The following LNPEP variants were observed in gnomAD, a reference collection of about 807,000 sequenced individuals.
LNPEP encodes the protein leucyl-cystinyl aminopeptidase.
Under a neutral mutation model 120.6 loss-of-function variants are expected in LNPEP, and 64 were observed. That is an observed-to-expected ratio of 0.53 (90% CI 0.43 to 0.65). LNPEP has a LOEUF of 0.65. LNPEP is among the 30% of genes least tolerant of loss of function. The probability of loss-of-function intolerance (pLI) is 0.00; values close to 1 mark genes in which losing one functional copy is unlikely to be tolerated. For synonymous variants in LNPEP, 435 were observed against 425.4 expected, an observed-to-expected ratio of 1.02 and a Z score of -0.28; for missense variants, 1,057 against 1,200.0, an observed-to-expected ratio of 0.88 and a Z score of 1.76.
intron 1 of LNPEP, 85 bp downstream of exon 1, chr5:96,936,259 C>T (rs1324572761): frequency 1.3e-5 from 15 of 1,161,284 alleles, no homozygotes; most frequent in Non-Finnish European, 1.6e-5. Context: ...GGTCGGGCTG[C>T]AGCCGTCTCC....
intron 13 of LNPEP, among the ~76,000 whole-genome samples, chr5:97,019,108 A>T (rs1306291286): frequency 6.6e-6 from 1 of 152,224 alleles, no homozygotes; most frequent in African/African-American, 2.4e-5. Flanking sequence ...GTAATATACA[A>T]CATAAGTGCT....
At position 97,006,097 on chromosome 5, in the gene LNPEP, A is replaced by G; in HGVS notation, c.1810A>G (p.Lys604Glu). ...NEVTNQTLDV[K>E]RMMKTWTLQK... ...GGTCACAAACCAAACACTAGATGTA[A>G]AGAGAATGATGAAAACCTGGACCCT... Residue 604 changes from lysine to glutamate, a missense_variant, in exon 10 of 18, where the codon AAG becomes GAG. Coordinates refer to ENST00000231368, the MANE Select transcript of LNPEP (RefSeq NM_005575.3). The G allele has an allele frequency of 1.3e-6, 2 of 1,540,442 alleles. No homozygotes were observed. Among genetic ancestry groups the G allele is most frequent in the Non-Finnish European group, 1.8e-6 (2 of 1,140,248 alleles).
intron 4 of LNPEP, among the ~76,000 whole-genome samples, chr5:96,989,328 AAT>A (rs1790324246): frequency 4.8e-5 from 1 of 21,018 alleles, no homozygotes; most frequent in Admixed American, 8.2e-4. Context: ...TATAATATAT[AAT>A]TATATATAAT....
Position 97,032,876 on chromosome 5 carries a change from G to T in LNPEP, c.*4343G>T, listed in dbSNP as rs1021532765. 1.3e-5 allele frequency: 2 copies of T among 152,056 alleles called. No homozygotes were observed. The highest frequency in any genetic ancestry group is 2.9e-5 in the Non-Finnish European group (2 of 68,012). 9.4% of individuals were successfully genotyped at this position (152,056 alleles called of 1,614,324 possible). On this transcript the variant is annotated 3_prime_UTR_variant, in exon 18 of 18. Transcript: ENST00000231368. ...TTGCTGTTGTTTTGATCTAGTCTTG[G>T]GGCTGGGGTTGTATATTATTCTTTC... is the stretch of plus-strand genomic sequence containing the variant.
At chr5:97,028,055 G>T (rs576135612) in intron 17 of LNPEP, among the ~76,000 whole-genome samples, 7 of 152,220 alleles carry the variant, frequency 4.6e-5, no homozygotes, top group Non-Finnish European at 4.4e-5. Context: ...AATTTAAGTG[G>T]TCATAAAATT....
In LNPEP at chr5:97,015,017, C is replaced by T. The variant is rs761457107; in HGVS notation, c.2298C>T (p.Thr766=). 30 of 1,604,284 alleles carry T rather than the reference C, an allele frequency of 1.9e-5. No homozygotes were observed. The highest frequency in any genetic ancestry group is 5.6e-5 in the South Asian group (5 of 88,706). ...ATGAGAACCATACTGCACCCATCAC[C>T]GAAGCCCTGTTTCAGACAGACCTCA... ...LGNENHTAPI[T]EALFQTDLIY... Residue 766 remains threonine (T), a synonymous_variant, in exon 13 of 18, where the codon ACC becomes ACT. Coordinates refer to ENST00000231368, the MANE Select transcript of LNPEP (RefSeq NM_005575.3).
chr5:96,996,343 C>T (rs544281767), intron 6 of LNPEP, 47 bp from the exon 7 acceptor site: 2 of 1,055,866 alleles, frequency 1.9e-6, no homozygotes, highest in South Asian at 2.6e-5. Flanking sequence ...TAAAAAATTC[C>T]TGAGGCTGTA....
In LNPEP at chr5:96,996,419, G is replaced by C; in HGVS notation, c.1437G>C (p.Trp479Cys). ...QWFGNLVTMKWWNDLWLNEGF... is the reference protein window; with the variant it reads ...QWFGNLVTMKCWNDLWLNEGF... ...TTGGCAATCTGGTAACAATGAAGTGGTGGAATGACCTATGGCTAAATGAAG... is the reference window on the plus strand; with the variant it reads ...TTGGCAATCTGGTAACAATGAAGTGCTGGAATGACCTATGGCTAAATGAAG... Residue 479 changes from tryptophan to cysteine, a missense_variant, in exon 7 of 18, where the codon TGG (tryptophan) becomes TGC (cysteine). Trp to Cys is a radical substitution (Grantham distance 215). Coordinates refer to ENST00000231368, the MANE Select transcript of LNPEP (RefSeq NM_005575.3). 1 of 1,611,268 alleles carries C rather than the reference G, an allele frequency of 6.2e-7. No individual in the cohort carries two copies. The highest frequency in any genetic ancestry group is 8.5e-7 in the Non-Finnish European group (1 of 1,177,624).
chr5:96,938,026 T>C (rs774481699), intron 1 of LNPEP, among the ~76,000 whole-genome samples: 22 of 152,232 alleles, frequency 1.4e-4, no homozygotes, highest in Admixed American at 9.8e-4. Flanking sequence ...TAGCATCCTT[T>C]TACAAGGAAA....
In LNPEP at chr5:96,973,479, T is replaced by C. The variant is rs1789919411; in HGVS notation, c.20-5659T>C. Among the ~76,000 whole-genome samples, 3 of 152,288 alleles carry C rather than the reference T, an allele frequency of 2.0e-5. 1 individual carries two copies. The South Asian group carries it at 6.2e-4, about 32-fold the overall frequency. ...CATACTTGGAACTTATAGTTCTATA[T>C]AAATATGTCATAGGGGACTCAGAAG... On this transcript the variant is annotated intron_variant, in intron 1 of 17. Coordinates refer to ENST00000231368, the MANE Select transcript of LNPEP (RefSeq NM_005575.3).
chr5:97,010,961 G>A (rs1235452786), intron 11 of LNPEP: 2 of 985,204 alleles, frequency 2.0e-6, no homozygotes, highest in East Asian at 1.1e-4. Context: ...TGTGCTGTTG[G>A]CTGTACTGCT....
chr5:97,005,547 C>T (rs749300348), intron 9 of LNPEP, among the ~76,000 whole-genome samples: 7 of 152,132 alleles, frequency 4.6e-5, no homozygotes, highest in Non-Finnish European at 8.8e-5. Context: ...CTTCTGCTGC[C>T]GCTGCTCCCT....
intron 16 of LNPEP, among the ~76,000 whole-genome samples, chr5:97,027,198 C>G (rs1025777259): frequency 6.6e-6 from 1 of 151,750 alleles, no homozygotes; most frequent in African/African-American, 2.4e-5. Flanking sequence ...CTAAAAATAC[C>G]AAAAATTAGC....
At chr5:96,945,249 T>TA (rs34815125) in intron 1 of LNPEP, among the ~76,000 whole-genome samples, 3,912 of 148,538 alleles carry the variant, frequency 0.026, 170 homozygotes, top group African/African-American at 0.092. Context: ...AATTAAAAAT[T>TA]AAAAAAAAAA....
At chr5:96,983,095 A>C (rs913122878) in intron 2 of LNPEP, among the ~76,000 whole-genome samples, 1 of 152,202 alleles carries the variant, frequency 6.6e-6, no homozygotes, top group Admixed American at 6.5e-5. Context: ...ATGTAAGGAC[A>C]TTGAGATGTA....
intron 6 of LNPEP, 118 bp from the exon 7 acceptor site, chr5:96,996,272 A>G (rs1046009522): frequency 8.2e-6 from 5 of 612,578 alleles, no homozygotes; most frequent in African/African-American, 5.8e-5. Flanking sequence ...TAGTATCAGT[A>G]TATCTTTAAG....
At chr5:96,943,223 TAA>T (rs369658383) in intron 1 of LNPEP, 285 of 185,046 alleles carry the variant, frequency 1.5e-3, no homozygotes, top group Non-Finnish European at 2.0e-3. Context: ...ACCAGTTGTT[TAA>T]AAAAAAAAAA....
intron 11 of LNPEP, among the ~76,000 whole-genome samples, chr5:97,008,660 C>CTT (rs1158708951): frequency 1.4e-5 from 1 of 69,738 alleles, no homozygotes; most frequent in Non-Finnish European, 2.9e-5. Context: ...CTCCTCTTTA[C>CTT]TCTTTTTTTT....
In LNPEP at chr5:96,979,248, G is replaced by C; in HGVS notation, c.130G>C (p.Val44Leu). 6.2e-7 allele frequency: 1 copy of C among 1,613,976 alleles called. No individual in the cohort carries two copies. Among genetic ancestry groups the C allele is most frequent in the Non-Finnish European group, 8.5e-7 (1 of 1,179,892 alleles). The change falls in exon 2 of 18, where the codon GTG becomes CTG. Residue 44 changes from valine (V) to leucine (L), a missense_variant. Transcript: ENST00000231368. ...PCLHPLEPDE[V>L]EYEPRGSRLL... is the part of the protein sequence containing the mutation. Reference sequence around the variant, plus strand: ...TTTACATCCTCTAGAGCCTGATGAGGTGGAATATGAGCCCCGGGGTTCCCG... The same window carrying C: ...TTTACATCCTCTAGAGCCTGATGAGCTGGAATATGAGCCCCGGGGTTCCCG...
Sources: gnomAD v4.1 joint callset for allele counts (sites outside exome capture counted in the v4.1 genomes callset) on GRCh38, gnomAD v4.1.1 for gene constraint, MANE v1.5 for transcripts, NCBI Gene and HGNC (gene_info 2026-07-23, HGNC 2026-07-21) for gene names.